The following YIPF4 variants were observed in gnomAD, a reference collection of about 807,000 sequenced individuals.
YIPF4 encodes the protein Yip1 domain family member 4.
YIPF4 carries 18 observed loss-of-function variants against 29.4 expected under a neutral mutation model. The observed-to-expected ratio is 0.61, with a 90% CI of 0.42 to 0.91. The LOEUF is 0.91. Ranked by LOEUF, YIPF4 falls within the 40% of genes least tolerant of loss-of-function variation. The pLI is 0.00. For missense variants in YIPF4, 279 were observed against 282.7 expected, an observed-to-expected ratio of 0.99 and a Z score of 0.09; for synonymous variants, 115 against 104.7, an observed-to-expected ratio of 1.10 and a Z score of -0.60.
intron 1 of YIPF4, among the ~76,000 whole-genome samples, chr2:32,283,502 C>A (rs999453438): frequency 1.3e-5 from 2 of 152,144 alleles, no homozygotes; most frequent in African/African-American, 2.4e-5. Context: ...AGATTCTGAT[C>A]ATCATGCTTA....
At position 32,306,882 on chromosome 2, in the gene YIPF4, C is replaced by A. The variant is rs1268871158; in HGVS notation, c.*1256C>A. ...TGTCCTCAGTATGATAACATGGCGA[C>A]CTCTTGGTATGTATTTCTTTAGCAA... On this transcript the variant is annotated 3_prime_UTR_variant, in exon 6 of 6. Coordinates refer to ENST00000238831, the MANE Select transcript of YIPF4 (RefSeq NM_032312.4). 7 of 265,186 alleles carry A rather than the reference C, an allele frequency of 2.6e-5. No homozygotes were observed. Among genetic ancestry groups the A allele is most frequent in the Admixed American group, 5.7e-5 (1 of 17,534 alleles). The allele number at this position is 265,186 out of a possible 1,614,324, so 16.4% of individuals were successfully genotyped here. A position where few individuals can be genotyped will look rare whatever the true frequency, so the allele number is the denominator to read the frequency against.
rs547810469 is a variant in YIPF4 at position 32,316,272 on chromosome 2, A to G, written c.*10646A>G. On this transcript the variant is annotated 3_prime_UTR_variant, in exon 6 of 6. Transcript: ENST00000238831. ...ACAATCATATCATGTATGTAATATTAATATTTATAAATCAATAAAATGGGC... is the reference window on the plus strand; with the variant it reads ...ACAATCATATCATGTATGTAATATTGATATTTATAAATCAATAAAATGGGC... 5.9e-5 allele frequency: 9 copies of G among 152,200 alleles called. No individual in the cohort carries two copies. Among genetic ancestry groups the G allele is most frequent in the Non-Finnish European group, 1.3e-4 (9 of 68,050 alleles). The allele number at this position is 152,200 out of a possible 1,614,324, so 9.4% of individuals were successfully genotyped here.
chr2:32,285,656 CT>C (rs1177156259), intron 1 of YIPF4, among the ~76,000 whole-genome samples: 247 of 137,818 alleles, frequency 1.8e-3, no homozygotes, highest in Non-Finnish European at 2.1e-3. Context: ...TTAGTTTTTC[CT>C]TTTTTTTTTT....
Position 32,305,929 on chromosome 2 carries a change from A to C in YIPF4, c.*303A>C. The C allele has an allele frequency of 9.8e-7, 1 of 1,017,874 alleles. No homozygotes were observed. Among genetic ancestry groups the C allele is most frequent in the Non-Finnish European group, 1.2e-6 (1 of 851,784 alleles). 63.1% of individuals were successfully genotyped at this position (1,017,874 alleles called of 1,614,324 possible). On this transcript the variant is annotated 3_prime_UTR_variant, in exon 6 of 6. Transcript: ENST00000238831. ...TCACCTAAAAACTTGTGCCAAAAGCACCTGGATTGGTAATTATATTTCACT... is the reference window on the plus strand; with the variant it reads ...TCACCTAAAAACTTGTGCCAAAAGCCCCTGGATTGGTAATTATATTTCACT...
intron 3 of YIPF4, among the ~76,000 whole-genome samples, chr2:32,295,569 T>G (rs1253657074): frequency 6.6e-6 from 1 of 152,152 alleles, no homozygotes; most frequent in Non-Finnish European, 1.5e-5. Context: ...CATGATCACA[T>G]TACCTTCCCC....
intron 3 of YIPF4, among the ~76,000 whole-genome samples, chr2:32,296,269 C>G (rs574725417): frequency 1.8e-4 from 27 of 152,168 alleles, no homozygotes; most frequent in African/African-American, 6.3e-4. Context: ...GTCAGGAGTT[C>G]AAGACCAGCC....
chr2:32,289,199 T>A (rs1356837911), intron 1 of YIPF4, among the ~76,000 whole-genome samples: 2 of 152,184 alleles, frequency 1.3e-5, no homozygotes, highest in African/African-American at 4.8e-5. Flanking sequence ...TAGAATTATA[T>A]AATGTTTAAC....
At position 32,306,662 on chromosome 2, in the gene YIPF4, G is replaced by A. The variant is rs1401558482; in HGVS notation, c.*1036G>A. The A allele has an allele frequency of 1.5e-5, 14 of 914,250 alleles. No individual in the cohort carries two copies. The highest frequency in any genetic ancestry group is 1.8e-5 in the Non-Finnish European group (14 of 765,388). The allele number at this position is 914,250 out of a possible 1,614,324, so 56.6% of individuals were successfully genotyped here. A position where few individuals can be genotyped will look rare whatever the true frequency, so the allele number is the denominator to read the frequency against. ...AACAAATGTACAGTTTTTGCTAAGGGAAATATTAAGAAATTTTTATCAGTG... is the reference window on the plus strand; with the variant it reads ...AACAAATGTACAGTTTTTGCTAAGGAAAATATTAAGAAATTTTTATCAGTG... On this transcript the variant is annotated 3_prime_UTR_variant, in exon 6 of 6. Coordinates refer to ENST00000238831, the MANE Select transcript of YIPF4 (RefSeq NM_032312.4).
At chr2:32,290,688 A>G (rs2030873471) in intron 2 of YIPF4, 52 bp downstream of exon 2, 2 of 1,214,224 alleles carry the variant, frequency 1.6e-6, no homozygotes, top group Non-Finnish European at 2.1e-6. Context: ...AGTCTGTGGG[A>G]TGATTATATT....
chr2:32,297,599 C>T (rs894314790), intron 3 of YIPF4, among the ~76,000 whole-genome samples: 1 of 151,996 alleles, frequency 6.6e-6, no homozygotes, highest in Non-Finnish European at 1.5e-5. Flanking sequence ...GAGACCTGGT[C>T]TCTATTAAAT....
rs1256427625 is a variant in YIPF4 at position 32,315,749 on chromosome 2, AAG to A, written c.*10125_*10126del. The A allele has an allele frequency of 3.3e-5, 5 of 152,164 alleles. No individual in the cohort carries two copies. In the East Asian group the frequency reaches 9.6e-4, roughly 29 times the overall value. The allele number at this position is 152,164 out of a possible 1,614,324, so 9.4% of individuals were successfully genotyped here. ...GGCAAGACTCCGTCTCAAAAAAAAAAAGAAAAATATAAAGCTGGATCTATACC... is the reference window on the plus strand; with the variant it reads ...GGCAAGACTCCGTCTCAAAAAAAAAAAAAAATATAAAGCTGGATCTATACC... On this transcript the variant is annotated 3_prime_UTR_variant, in exon 6 of 6. Transcript: ENST00000238831.
intron 1 of YIPF4, among the ~76,000 whole-genome samples, chr2:32,279,492 G>A (rs2030286185): frequency 7.0e-6 from 1 of 142,172 alleles, no homozygotes; most frequent in Admixed American, 7.5e-5. Flanking sequence ...CTGCCTCCCG[G>A]GTTCACGCCA....
intron 1 of YIPF4, among the ~76,000 whole-genome samples, chr2:32,287,134 A>G (rs1303789946): frequency 6.6e-6 from 1 of 152,022 alleles, no homozygotes; most frequent in Non-Finnish European, 1.5e-5. Flanking sequence ...AATCCCAGCT[A>G]CTCGAGAGGC....
chr2:32,288,592 C>T lies in YIPF4; in HGVS notation c.80-1891C>T, dbSNP rs184275792. ...GGGAAGGCCAGGGTGGGCAGATTAT[C>T]TGAGGTCAGGAGTTCGAGACCAGCC... On this transcript the variant is annotated intron_variant, in intron 1 of 5. Coordinates refer to ENST00000238831, the MANE Select transcript of YIPF4 (RefSeq NM_032312.4). 4.8e-3 allele frequency among the ~76,000 whole-genome samples: 729 copies of T among 152,202 alleles called. 3 individuals are homozygous for T. Among genetic ancestry groups the T allele is most frequent in the African/African-American group, 0.017 (690 of 41,532 alleles).
At chr2:32,298,954 T>C (rs571579341) in intron 4 of YIPF4, among the ~76,000 whole-genome samples, 25 of 152,154 alleles carry the variant, frequency 1.6e-4, no homozygotes, top group African/African-American at 5.8e-4. Flanking sequence ...CTCGGCTCAC[T>C]GCTACCTCCA....
intron 4 of YIPF4, among the ~76,000 whole-genome samples, chr2:32,301,028 A>G (rs959592673): frequency 3.9e-5 from 6 of 152,152 alleles, no homozygotes; most frequent in Non-Finnish European, 5.9e-5. Context: ...TTTCATCTGA[A>G]TGGGATGGTT....
Position 32,278,199 on chromosome 2 carries a change from G to T in YIPF4, c.44G>T (p.Gly15Val). The T allele has an allele frequency of 6.4e-7, 1 of 1,574,196 alleles. No individual in the cohort carries two copies. Among genetic ancestry groups the T allele is most frequent in the East Asian group, 2.4e-5 (1 of 42,342 alleles). The part of the protein sequence containing the change: ...GPPPAYAPTN[G>V]DFTFVSSADA... ...CCCCCGGCCTATGCCCCCACTAACGGGGACTTCACCTTTGTCTCCTCAGCA... is the reference window on the plus strand; with the variant it reads ...CCCCCGGCCTATGCCCCCACTAACGTGGACTTCACCTTTGTCTCCTCAGCA... The change falls in exon 1 of 6, where the codon GGG becomes GTG. Residue 15 changes from glycine to valine, a missense_variant. Coordinates refer to ENST00000238831, the MANE Select transcript of YIPF4 (RefSeq NM_032312.4).
At chr2:32,303,255 G>A (rs1056118212) in intron 5 of YIPF4, among the ~76,000 whole-genome samples, 6 of 152,170 alleles carry the variant, frequency 3.9e-5, no homozygotes, top group African/African-American at 1.4e-4. Context: ...AGTTCCTTGG[G>A]AGGCTGAGGT....
chr2:32,294,377 A>G (rs2031080873), intron 3 of YIPF4, among the ~76,000 whole-genome samples: 1 of 145,398 alleles, frequency 6.9e-6, no homozygotes, highest in African/African-American at 2.6e-5. Flanking sequence ...GATGCTCCTC[A>G]CCTCCCAGAC....
Sources: allele counts gnomAD v4.1 joint callset (sites outside exome capture counted in the v4.1 genomes callset), GRCh38; gene constraint gnomAD v4.1.1; transcripts MANE v1.5; gene names NCBI Gene and HGNC (gene_info 2026-07-23, HGNC 2026-07-21).